TEX11: variants seen among roughly 807,000 people sequenced by gnomAD.
TEX11 encodes testis-expressed protein 11.
A neutral mutation model predicts 84.4 loss-of-function variants in TEX11; 7 were observed. The ratio of observed to expected loss-of-function variants is 0.08; its 90% CI spans 0.05 to 0.16. TEX11 has a LOEUF of 0.16. Ranked by LOEUF, TEX11 falls within the 10% of genes least tolerant of loss-of-function variation. TEX11 has a pLI of 1.00. For missense variants in TEX11, 551 were observed against 660.5 expected (o/e 0.83, Z 1.82); for synonymous variants, 264 against 222.8 (o/e 1.18, Z -1.64).
chrX:70,709,112 A>G (rs1034113222), intron 13 of TEX11, among the ~76,000 whole-genome samples: 1 of 111,166 alleles, frequency 9.0e-6, no homozygotes, highest in Non-Finnish European at 1.9e-5. Flanking sequence ...AAATAAACTC[A>G]TAATGTAATG....
At chrX:70,833,271 GAAA>G (rs1192379332) in intron 8 of TEX11, among the ~76,000 whole-genome samples, 1 of 47,553 alleles carries the variant, frequency 2.1e-5, no homozygotes, top group Non-Finnish European at 3.8e-5. Flanking sequence ...CTCCATCTCA[GAAA>G]AAAAAAAAAG....
chrX:70,815,180 A>G (rs1259450612), intron 8 of TEX11, among the ~76,000 whole-genome samples: 2 of 112,347 alleles, frequency 1.8e-5, no homozygotes, highest in Non-Finnish European at 3.8e-5. Flanking sequence ...CATTGTCTTG[A>G]GTAATTAATT....
chrX:70,764,812 T>C (rs187041693), intron 9 of TEX11, among the ~76,000 whole-genome samples: 1 of 111,177 alleles, frequency 9.0e-6, no homozygotes, highest in East Asian at 2.8e-4. Flanking sequence ...CAACAAGTAA[T>C]GAGATCAAAG....
At chrX:70,730,191 A>C (rs1039178603) in intron 11 of TEX11, among the ~76,000 whole-genome samples, 25 of 112,043 alleles carry the variant, frequency 2.2e-4, no homozygotes, top group Non-Finnish European at 3.4e-4. Flanking sequence ...CCGGTACAAG[A>C]CACTGCAAAA....
intron 11 of TEX11, among the ~76,000 whole-genome samples, chrX:70,731,904 A>G (rs1324745148): frequency 3.6e-5 from 4 of 112,064 alleles, no homozygotes. Flanking sequence ...AAAAACCTCA[A>G]TAAAATACTG....
intron 7 of TEX11, among the ~76,000 whole-genome samples, chrX:70,843,644 A>G (rs2091461054): frequency 8.9e-6 from 1 of 111,769 alleles, no homozygotes; most frequent in Non-Finnish European, 1.9e-5. Context: ...TGCACAGCAA[A>G]AGGAACTACC....
intron 7 of TEX11, among the ~76,000 whole-genome samples, chrX:70,838,022 C>T (rs925200189): frequency 2.7e-5 from 3 of 112,377 alleles, no homozygotes; most frequent in African/African-American, 9.7e-5. Flanking sequence ...CAAGATTTTG[C>T]TACTGGCAAA....
chrX:70,866,312 G>A (rs1184436005), intron 4 of TEX11, among the ~76,000 whole-genome samples: 2 of 109,101 alleles, frequency 1.8e-5, no homozygotes, highest in Admixed American at 9.9e-5. Flanking sequence ...ATTCCTGGAT[G>A]CATACACTCT....
At chrX:70,796,779 C>T (rs5936987) in intron 9 of TEX11, among the ~76,000 whole-genome samples, 44,372 of 110,475 alleles carry the variant, frequency 0.4, 7,433 homozygotes, top group East Asian at 0.55. Context: ...AATATAACCC[C>T]ATTAAAAAGT....
intron 9 of TEX11, among the ~76,000 whole-genome samples, chrX:70,774,824 G>A (rs1288873982): frequency 1.8e-5 from 2 of 111,345 alleles, no homozygotes; most frequent in Non-Finnish European, 3.8e-5. Context: ...AAATACCAAT[G>A]TCATTTTTCA....
chrX:70,878,911 T>C (rs2091669318), intron 3 of TEX11, among the ~76,000 whole-genome samples: 1 of 112,258 alleles, frequency 8.9e-6, no homozygotes, highest in African/African-American at 3.2e-5. Flanking sequence ...CAAAATATGG[T>C]ATATCCATAC....
chrX:70,526,723 T>C (rs2087827085), downstream of TEX11, among the ~76,000 whole-genome samples: 1 of 111,579 alleles, frequency 9.0e-6, no homozygotes, highest in South Asian at 3.9e-4. Flanking sequence ...CTAGAAATAA[T>C]GTCACCCTCG....
intron 8 of TEX11, among the ~76,000 whole-genome samples, chrX:70,812,514 T>C (rs2091262578): frequency 1.8e-5 from 2 of 111,446 alleles, no homozygotes; most frequent in Non-Finnish European, 3.8e-5. Flanking sequence ...GCCCTTGAAT[T>C]AATTTTTGCA....
intron 15 of TEX11, 52 bp downstream of exon 15, chrX:70,678,752 A>AT: frequency 7.7e-6 from 8 of 1,040,733 alleles, no homozygotes; most frequent in Non-Finnish European, 9.3e-6. Context: ...TGAATGCACT[A>AT]TTTTTTGTTG....
chrX:70,882,027 C>CAAAAAAA (rs61563153), intron 2 of TEX11, among the ~76,000 whole-genome samples: 1 of 41,671 alleles, frequency 2.4e-5, no homozygotes, highest in Admixed American at 3.4e-4. Flanking sequence ...GACTCCATCT[C>CAAAAAAA]AAAAAAAAAA....
At chrX:70,694,646 T>G (rs968648108) in intron 13 of TEX11, among the ~76,000 whole-genome samples, 2 of 112,059 alleles carry the variant, frequency 1.8e-5, no homozygotes, top group Non-Finnish European at 3.8e-5. Context: ...GCTTGGCAAT[T>G]TCTTGAAAAT....
At chrX:70,904,360 C>A (rs956867354) in intron 2 of TEX11, among the ~76,000 whole-genome samples, 1 of 111,474 alleles carries the variant, frequency 9.0e-6, no homozygotes, top group African/African-American at 3.3e-5. Flanking sequence ...CAAAACAACA[C>A]CCATGTAAGA....
intron 7 of TEX11, among the ~76,000 whole-genome samples, chrX:70,843,125 A>G (rs1183862114): frequency 2.7e-5 from 3 of 111,853 alleles, no homozygotes; most frequent in African/African-American, 9.8e-5. Flanking sequence ...ATTGGAAAAA[A>G]CTACTTTAAA....
chrX:70,670,350 C>T (rs750938798), intron 16 of TEX11, 27 bp downstream of exon 16: 2 of 1,197,768 alleles, frequency 1.7e-6, no homozygotes, highest in East Asian at 6.0e-5. Flanking sequence ...ACATTTGCTA[C>T]CTCTGAAAAT....
Sources: gnomAD v4.1 joint callset for allele counts (sites outside exome capture counted in the v4.1 genomes callset) on GRCh38, gnomAD v4.1.1 for gene constraint, MANE v1.5 for transcripts, NCBI Gene and HGNC (gene_info 2026-07-23, HGNC 2026-07-21) for gene names.